Variants in PLK5 observed in about 807,000 individuals in gnomAD.
PLK5 encodes the protein inactive serine/threonine-protein kinase PLK5.
In PLK5, 28 loss-of-function variants were observed where a neutral mutation model predicts 33.7. The ratio of observed to expected loss-of-function variants is 0.83; its 90% CI spans 0.62 to 1.14. The LOEUF is 1.14. Among genes scored for constraint, PLK5 ranks in the 50% most tolerant of loss-of-function variants. The pLI is 0.00. For missense variants in PLK5, 492 were observed against 461.5 expected (o/e 1.07, Z -0.61); for synonymous variants, 225 against 202.2 (o/e 1.11, Z -0.96).
intron 13 of PLK5, 90 bp downstream of exon 13, chr19:1,534,131 C>G (rs1361079941): frequency 1.3e-5 from 12 of 915,418 alleles, no homozygotes; most frequent in Admixed American, 1.1e-4. Flanking sequence ...TTTGGGGGAG[C>G]CTTAGGAAGC....
At chr19:1,530,423 G>A (rs181976282) in intron 11 of PLK5, among the ~76,000 whole-genome samples, 14 of 151,202 alleles carry the variant, frequency 9.3e-5, no homozygotes, top group African/African-American at 2.4e-4. Context: ...TTAGCCTCCC[G>A]AGTAGCTGAG....
chr19:1,527,615 T>C (rs942016548), intron 6 of PLK5, among the ~76,000 whole-genome samples: 2 of 144,270 alleles, frequency 1.4e-5, no homozygotes, highest in African/African-American at 2.5e-5. Context: ...AAAAAAAAAA[T>C]AGAAGCATTG....
At chr19:1,531,421 AAAACAAAAC>A (rs138578670) in intron 11 of PLK5, among the ~76,000 whole-genome samples, 76,051 of 150,162 alleles carry the variant, frequency 0.51, 21,047 homozygotes, top group East Asian at 0.85. Flanking sequence ...AAAACAAAAC[AAAACAAAAC>A]AAACAAAAAC....
At chr19:1,529,516 G>A (rs113470461) in intron 10 of PLK5, 26 bp downstream of exon 10, 20 of 1,528,818 alleles carry the variant, frequency 1.3e-5, no homozygotes, top group Non-Finnish European at 1.8e-5. Flanking sequence ...TCCCAGCCCG[G>A]GGCTGCAGGT....
At position 1,535,351 on chromosome 19, in the gene PLK5, G is replaced by A. The variant is rs1241345108; in HGVS notation, c.*101G>A. On this transcript the variant is annotated 3_prime_UTR_variant, in exon 14 of 14. Transcript: ENST00000454744. The stretch of plus-strand genomic sequence containing the variant: ...CCCAGAGGGGCTGTCCTGGGGGAGG[G>A]CTGGGGGGCACACGGGAGGTGGGTT... 7 of 1,286,208 alleles carry A rather than the reference G, an allele frequency of 5.4e-6. No individual in the cohort carries two copies. The East Asian group carries it at 1.1e-4, about 20-fold the overall frequency. The allele number at this position is 1,286,208 out of a possible 1,614,324, so 79.7% of individuals were successfully genotyped here.
In PLK5 at chr19:1,528,282, C is replaced by A; in HGVS notation, c.202-20C>A. 6.5e-7 allele frequency: 1 copy of A among 1,535,884 alleles called. No individual in the cohort carries two copies. The highest frequency in any genetic ancestry group is 8.7e-7 in the Non-Finnish European group (1 of 1,146,792). ...GCTGGGTGACCTAAGCCGGGGATAA[C>A]CCCAAATCCCCATCCAAAGGGTTTC... On this transcript the variant is annotated intron_variant, in intron 7 of 13. Transcript: ENST00000454744.
At chr19:1,534,283 C>T (rs1914022685) in intron 13 of PLK5, among the ~76,000 whole-genome samples, 1 of 151,996 alleles carries the variant, frequency 6.6e-6, no homozygotes, top group East Asian at 1.9e-4. Context: ...CCGAGGCGGG[C>T]AGATCGCAAG....
At chr19:1,529,564 C>T (rs1913865793) in intron 10 of PLK5, 74 bp downstream of exon 10, 1 of 1,467,212 alleles carries the variant, frequency 6.8e-7, no homozygotes, top group Admixed American at 2.0e-5. Flanking sequence ...GGGACCAAGG[C>T]CGTGGCTTAC....
At chr19:1,533,764 C>T in intron 12 of PLK5, 167 bp from the exon 13 acceptor site, 1 of 623,468 alleles carries the variant, frequency 1.6e-6, no homozygotes, top group East Asian at 2.7e-5. Flanking sequence ...AAGCCTTCGC[C>T]CTGAGGGATG....
chr19:1,527,047 T>C (rs1452763165), intron 6 of PLK5, 49 bp downstream of exon 6: 2 of 579,086 alleles, frequency 3.5e-6, no homozygotes, highest in South Asian at 4.5e-5. Context: ...GGGGGGCAGG[T>C]GTGGCGGGGG....
In PLK5 at chr19:1,535,489, G is replaced by A. The variant is rs576093713; in HGVS notation, c.*239G>A. 16 of 517,288 alleles carry A rather than the reference G, an allele frequency of 3.1e-5. No homozygotes were observed. The highest frequency in any genetic ancestry group is 1.1e-4 in the East Asian group (3 of 27,808). The allele number at this position is 517,288 out of a possible 1,614,324, so 32.0% of individuals were successfully genotyped here. ...GGTCTGCCTCTCTTTGGGGGAAAGC[G>A]TTTGAGGAGCTTTGGCAAAGAAACG... On this transcript the variant is annotated 3_prime_UTR_variant, in exon 14 of 14. Coordinates refer to ENST00000454744, the MANE Select transcript of PLK5 (RefSeq NM_001243079.2).
chr19:1,526,822 C>A, intron 5 of PLK5, 31 bp downstream of exon 5: 1 of 787,034 alleles, frequency 1.3e-6, no homozygotes, highest in Non-Finnish European at 2.1e-6. Flanking sequence ...TCTGAGCAGT[C>A]CGTCCGGGTG....
Position 1,535,145 on chromosome 19 carries a change from G to A in PLK5, c.906G>A (p.Gly302=), listed in dbSNP as rs907466811. 6.5e-7 allele frequency: 1 copy of A among 1,535,796 alleles called. No individual in the cohort carries two copies. Among genetic ancestry groups the A allele is most frequent in the Non-Finnish European group, 8.7e-7 (1 of 1,146,784 alleles). The change falls in exon 14 of 14, where the codon GGG becomes GGA. Residue 302 remains glycine, a synonymous_variant. Coordinates refer to ENST00000454744, the MANE Select transcript of PLK5 (RefSeq NM_001243079.2). ...EGLQLTLWEQ[G]SPGTSYSLDV... ...TGCAGCTCACCCTCTGGGAGCAGGG[G>A]TCCCCTGGCACCTCCTACTCCCTGG... is the stretch of plus-strand genomic sequence containing the variant.
chr19:1,531,137 G>C (rs976401094), intron 11 of PLK5, among the ~76,000 whole-genome samples: 2 of 151,632 alleles, frequency 1.3e-5, no homozygotes, highest in African/African-American at 4.8e-5. Context: ...GGGGCAGGGC[G>C]TGGTGGCTCA....
In PLK5 at chr19:1,524,621, G is replaced by A. The variant is rs867435673; in HGVS notation, c.-544+375G>A. On this transcript the variant is annotated intron_variant, in intron 1 of 13. Transcript: ENST00000454744. The surrounding 1 kb of genome is among the most constrained non-coding windows in gnomAD (Gnocchi z 4.5). ...TGTTCGTGTGTGTGTGTGTGTGTGT[G>A]TGTGTGTGTGTCTGGGTGTTGTGTT... Among the ~76,000 whole-genome samples the A allele has an allele frequency of 7.1e-6, 1 of 140,886 alleles. No individual in the cohort carries two copies. The highest frequency in any genetic ancestry group is 1.5e-5 in the Non-Finnish European group (1 of 65,146). The allele number at this position is 140,886 out of a possible 152,430, so 92.4% of individuals were successfully genotyped here.
rs56934021 is a variant in PLK5 at position 1,528,150 on chromosome 19, C to CGGCGTGGGGTCCCT, written c.201+34_201+47dup. ...CTTCACACAGGTGGGCGGCGGTCCTCGGCGTGGGGTCCCTGGCGTGGGGTC... is the reference window on the plus strand; with the variant it reads ...CTTCACACAGGTGGGCGGCGGTCCTCGGCGTGGGGTCCCTGGCGTGGGGTCCCTGGCGTGGGGTC... On this transcript the variant is annotated intron_variant, in intron 7 of 13. Transcript: ENST00000454744. 0.28 allele frequency: 429,619 copies of CGGCGTGGGGTCCCT among 1,509,438 alleles called. 69,484 individuals carry two copies. The highest frequency in any genetic ancestry group is 0.72 in the East Asian group (29,044 of 40,280). The allele number at this position is 1,509,438 out of a possible 1,614,324, so 93.5% of individuals were successfully genotyped here. A position where few individuals can be genotyped will look rare whatever the true frequency, so the allele number is the denominator to read the frequency against.
At position 1,529,750 on chromosome 19, in the gene PLK5, C is replaced by T; in HGVS notation, c.494C>T (p.Pro165Leu). Residue 165 changes from proline to leucine, a missense_variant, in exon 11 of 14, where the codon CCC becomes CTC. Physicochemically the swap from Pro to Leu is moderately conservative, Grantham distance 98. Coordinates refer to ENST00000454744, the MANE Select transcript of PLK5 (RefSeq NM_001243079.2). ...QGTLQSDLAG[P>L]EGSRRPEVEA... The stretch of plus-strand genomic sequence containing the variant: ...GCACAAAGACCTGTCTTCCCAGGGC[C>T]CGAGGGGAGCCGGCGGCCAGAGGTG... 6.5e-7 allele frequency: 1 copy of T among 1,536,000 alleles called. No individual in the cohort carries two copies. Among genetic ancestry groups the T allele is most frequent in the Non-Finnish European group, 8.7e-7 (1 of 1,146,852 alleles).
intron 13 of PLK5, 147 bp downstream of exon 13, chr19:1,534,188 C>T (rs937018340): frequency 2.0e-5 from 13 of 654,312 alleles, no homozygotes; most frequent in Middle Eastern, 3.3e-4. Context: ...TTGGCTCCTG[C>T]GTACAAAACC....
rs1188503675 is a variant in PLK5 at position 1,528,186 on chromosome 19, GATGAGCC to G, written c.201+54_201+60del. On this transcript the variant is annotated intron_variant, in intron 7 of 13. Coordinates refer to ENST00000454744, the MANE Select transcript of PLK5 (RefSeq NM_001243079.2). ...CCCTGGCGTGGGGTCCCTGGCAGGTGATGAGCCAGAGCCTGCCCTGCTCAGCCGAGGG... is the reference window on the plus strand; with the variant it reads ...CCCTGGCGTGGGGTCCCTGGCAGGTGAGAGCCTGCCCTGCTCAGCCGAGGG... The G allele has an allele frequency of 3.9e-6, 6 of 1,529,732 alleles. No individual in the cohort carries two copies. In the East Asian group the frequency reaches 1.5e-4, roughly 38 times the overall value. 94.8% of individuals were successfully genotyped at this position (1,529,732 alleles called of 1,614,324 possible).
Sources: allele counts gnomAD v4.1 joint callset (sites outside exome capture counted in the v4.1 genomes callset), GRCh38; gene constraint gnomAD v4.1.1; non-coding constraint Gnocchi (gnomAD v3.1); transcripts MANE v1.5; gene names NCBI Gene and HGNC (gene_info 2026-07-23, HGNC 2026-07-21).